IDE: variants seen among roughly 807,000 people sequenced by gnomAD.
The protein encoded by IDE is insulin-degrading enzyme.
IDE carries 58 observed loss-of-function variants against 133.2 expected under a neutral mutation model. The observed-to-expected ratio is 0.44, with a 90% CI of 0.35 to 0.54. The LOEUF is 0.54. Ranked by LOEUF, IDE falls within the 20% of genes least tolerant of loss-of-function variation. The pLI, the probability that IDE is intolerant of heterozygous loss-of-function variation, is 0.00. For synonymous variants in IDE, 396 were observed against 421.3 expected (o/e 0.94, Z 0.73); for missense variants, 981 against 1,234.0 (o/e 0.79, Z 3.07).
At chr10:92,497,305 T>C (rs1847762640) in intron 11 of IDE, among the ~76,000 whole-genome samples, 1 of 152,154 alleles carries the variant, frequency 6.6e-6, no homozygotes, top group African/African-American at 2.4e-5. Flanking sequence ...GTCTCAAAAT[T>C]CAAAATAATT....
chr10:92,474,779 A>G, intron 17 of IDE, 62 bp downstream of exon 17: 1 of 1,478,842 alleles, frequency 6.8e-7, no homozygotes, highest in Non-Finnish European at 9.3e-7. Context: ...ATATCAGAAT[A>G]AACCAAAATG....
At chr10:92,552,435 C>T (rs1250999931) in intron 1 of IDE, among the ~76,000 whole-genome samples, 1 of 152,056 alleles carries the variant, frequency 6.6e-6, no homozygotes, top group East Asian at 1.9e-4. Flanking sequence ...TTATTATATA[C>T]AAAAAGACAT....
chr10:92,549,398 C>T (rs1385132023), intron 1 of IDE, among the ~76,000 whole-genome samples: 1 of 152,128 alleles, frequency 6.6e-6, no homozygotes, highest in Non-Finnish European at 1.5e-5. Flanking sequence ...CAAGAGACAG[C>T]CTCATTAAAG....
chr10:92,557,911 A>G (rs950963758), intron 1 of IDE, among the ~76,000 whole-genome samples: 2 of 151,640 alleles, frequency 1.3e-5, no homozygotes, highest in African/African-American at 4.8e-5. Flanking sequence ...AAACAATTCA[A>G]TGAGGAAGGA....
chr10:92,497,725 T>C, intron 11 of IDE: 1 of 984,562 alleles, frequency 1.0e-6, no homozygotes, highest in Non-Finnish European at 1.2e-6. Flanking sequence ...CCAGGCTGTT[T>C]TGCACCATGT....
intron 11 of IDE, among the ~76,000 whole-genome samples, chr10:92,494,317 C>T (rs1438620711): frequency 6.6e-6 from 1 of 150,836 alleles, no homozygotes; most frequent in Non-Finnish European, 1.5e-5. Context: ...ATCCTCCCAC[C>T]TTGGCCTCCC....
At chr10:92,549,173 A>G (rs914694301) in intron 1 of IDE, among the ~76,000 whole-genome samples, 3 of 152,020 alleles carry the variant, frequency 2.0e-5, no homozygotes, top group Non-Finnish European at 4.4e-5. Context: ...CACAAGAATC[A>G]GTTGAATCTG....
chr10:92,555,816 T>C (rs1224143337), intron 1 of IDE, among the ~76,000 whole-genome samples: 1 of 152,156 alleles, frequency 6.6e-6, no homozygotes, highest in Non-Finnish European at 1.5e-5. Context: ...TATTCAACAC[T>C]GTCCTGGAAG....
intron 14 of IDE, among the ~76,000 whole-genome samples, chr10:92,482,678 A>T (rs1846682274): frequency 6.6e-6 from 1 of 152,200 alleles, no homozygotes; most frequent in African/African-American, 2.4e-5. Context: ...TAAGAAGGTC[A>T]TCCTAACAAT....
At chr10:92,516,138 T>TTG in intron 4 of IDE, among the ~76,000 whole-genome samples, 1 of 149,610 alleles carries the variant, frequency 6.7e-6, no homozygotes, top group South Asian at 2.1e-4. Flanking sequence ...CGAGTCAAGA[T>TTG]TGTGCCATTG....
chr10:92,504,025 AT>A (rs5786999), intron 11 of IDE, among the ~76,000 whole-genome samples: 120,221 of 149,818 alleles, frequency 0.8, 48,196 homozygotes, highest in East Asian at 0.92. Flanking sequence ...GCCCAAAAAG[AT>A]TTTTTTTTTT....
At chr10:92,484,029 C>G (rs1846790007) in intron 13 of IDE, among the ~76,000 whole-genome samples, 1 of 152,144 alleles carries the variant, frequency 6.6e-6, no homozygotes. Flanking sequence ...TGACTGAAAC[C>G]TTGGCCAACA....
chr10:92,518,407 C>T (rs902268975), intron 4 of IDE, among the ~76,000 whole-genome samples: 1 of 152,144 alleles, frequency 6.6e-6, no homozygotes, highest in Non-Finnish European at 1.5e-5. Flanking sequence ...AAGTATAAGA[C>T]TATTACTTAA....
chr10:92,454,539 G>C lies in IDE; in HGVS notation c.2965C>G (p.Pro989Ala). 1 of 1,612,122 alleles carries C rather than the reference G, an allele frequency of 6.2e-7. No individual in the cohort carries two copies. Among genetic ancestry groups the C allele is most frequent in the Non-Finnish European group, 8.5e-7 (1 of 1,178,296 alleles). ...TCGGTCATGTTCTGAATCACTTCAG[G>C]CTGCAAAGAAAAAAGTTTCCTTTTA... ...NLSQAPALPQ[P>A]EVIQNMTEFK... is the part of the protein sequence containing the mutation. The change falls in exon 25 of 25, where the codon CCT becomes GCT. Residue 989 changes from proline to alanine, a missense_variant and splice_region_variant. Pro to Ala is a conservative substitution (Grantham distance 27). This residue lies in a region of IDE where 660 missense variants were observed against 894.7 expected (regional missense o/e 0.74). Transcript: ENST00000265986.
At chr10:92,541,091 G>C (rs1377479630) in intron 1 of IDE, among the ~76,000 whole-genome samples, 5 of 152,128 alleles carry the variant, frequency 3.3e-5, no homozygotes, top group Admixed American at 2.0e-4. Context: ...CCAACTACTA[G>C]TGTACAAAGG....
At chr10:92,460,897 G>A (rs974079380) in intron 22 of IDE, among the ~76,000 whole-genome samples, 3 of 152,196 alleles carry the variant, frequency 2.0e-5, no homozygotes, top group Non-Finnish European at 4.4e-5. Flanking sequence ...CAGGAGTGCA[G>A]TGGCATGATC....
At chr10:92,571,313 C>G (rs2135857815) in intron 1 of IDE, among the ~76,000 whole-genome samples, 1 of 152,316 alleles carries the variant, frequency 6.6e-6, no homozygotes, top group African/African-American at 2.4e-5. Flanking sequence ...CCCCACCTGG[C>G]CTCAACCCTA....
At position 92,474,951 on chromosome 10, in the gene IDE, G is replaced by C. The variant is rs1323485776; in HGVS notation, c.2006C>G (p.Ser669Cys). Residue 669 changes from serine (S) to cysteine (C), a missense_variant, in exon 17 of 25, where the codon TCT (serine) becomes TGT (cysteine). Ser to Cys is a moderately radical substitution (Grantham distance 112). Around this residue, in one of 2 missense-constraint regions of IDE, gnomAD observed 660 missense variants for 894.7 expected, o/e 0.74. Coordinates refer to ENST00000265986, the MANE Select transcript of IDE (RefSeq NM_004969.4). ...FEIIKEAYMR[S>C]LNNFRAEQPH... ...CTGTTCAGCCCGGAAATTGTTAAGA[G>C]ATCGCATATACTAGTGAAAGAGACA... The C allele has an allele frequency of 1.9e-6, 3 of 1,608,804 alleles. No individual in the cohort carries two copies. In the Admixed American group the frequency reaches 5.1e-5, roughly 27 times the overall value.
chr10:92,523,011 C>T (rs542713550), intron 4 of IDE, among the ~76,000 whole-genome samples: 1 of 152,152 alleles, frequency 6.6e-6, no homozygotes, highest in Non-Finnish European at 1.5e-5. Context: ...AGTTACACTT[C>T]TTTGCATTTT....
Sources: allele counts gnomAD v4.1 joint callset (sites outside exome capture counted in the v4.1 genomes callset), GRCh38; gene constraint gnomAD v4.1.1; regional missense constraint gnomAD v4.1.1; transcripts MANE v1.5; gene names NCBI Gene and HGNC (gene_info 2026-07-23, HGNC 2026-07-21).